The following NTM variants were observed in gnomAD, a reference collection of about 807,000 sequenced individuals.
NTM encodes the protein neurotrimin, also known as IgLON family member 2.
NTM carries 13 observed loss-of-function variants against 42.1 expected under a neutral mutation model. That is an observed-to-expected ratio of 0.31 (90% confidence interval 0.20 to 0.49). NTM has a LOEUF of 0.49. Among genes scored for constraint, NTM ranks in the 20% least tolerant of loss-of-function variants. NTM has a pLI of 0.99. For missense variants in NTM, 373 were observed against 452.8 expected (o/e 0.82, Z 1.60); for synonymous variants, 187 against 179.2 (o/e 1.04, Z -0.35).
At chr11:131,509,703 C>T (rs973317012) in intron 1 of NTM, among the ~76,000 whole-genome samples, 7 of 152,156 alleles carry the variant, frequency 4.6e-5, no homozygotes, top group Non-Finnish European at 1.0e-4. Context: ...ACAGTTTCAC[C>T]GCAGTGTCTT....
chr11:131,468,380 G>A (rs1028790892), intron 1 of NTM, among the ~76,000 whole-genome samples: 9 of 152,240 alleles, frequency 5.9e-5, no homozygotes, highest in African/African-American at 1.4e-4. Context: ...AATGCAGCAT[G>A]AGCCTCATGT....
chr11:131,477,415 A>C (rs1042221725), intron 1 of NTM, among the ~76,000 whole-genome samples: 4 of 151,564 alleles, frequency 2.6e-5, no homozygotes, highest in Non-Finnish European at 4.4e-5. Context: ...TGATGTTGCC[A>C]TTCTCGGTGG....
At chr11:131,711,321 T>C (rs932748071) in intron 1 of NTM, among the ~76,000 whole-genome samples, 1 of 152,152 alleles carries the variant, frequency 6.6e-6, no homozygotes, top group African/African-American at 2.4e-5. Context: ...GTGGGCGAAG[T>C]ACATGAACAG....
intron 1 of NTM, among the ~76,000 whole-genome samples, chr11:131,596,558 G>A (rs1057069757): frequency 4.6e-5 from 7 of 152,176 alleles, no homozygotes; most frequent in Non-Finnish European, 1.0e-4. Context: ...CCCCTCTCTA[G>A]CCTTCCTTTC....
chr11:131,992,303 A>T (rs944660905), intron 2 of NTM, among the ~76,000 whole-genome samples: 3 of 152,208 alleles, frequency 2.0e-5, no homozygotes, highest in Non-Finnish European at 2.9e-5. Context: ...ATAATGCAAT[A>T]CATATAACAT....
At chr11:131,689,303 C>G (rs377202816) in intron 1 of NTM, among the ~76,000 whole-genome samples, 2 of 152,302 alleles carry the variant, frequency 1.3e-5, no homozygotes, top group South Asian at 4.1e-4. Flanking sequence ...TGCCTCCCCA[C>G]CCAGTATTGC....
intron 1 of NTM, among the ~76,000 whole-genome samples, chr11:131,690,466 G>A (rs1465326407): frequency 6.6e-6 from 1 of 152,086 alleles, no homozygotes; most frequent in Non-Finnish European, 1.5e-5. Flanking sequence ...TGCTGCACGG[G>A]CTCAGCGCGA....
intron 2 of NTM, among the ~76,000 whole-genome samples, chr11:132,088,477 G>C (rs1252070765): frequency 6.6e-6 from 1 of 152,148 alleles, no homozygotes; most frequent in Non-Finnish European, 1.5e-5. Flanking sequence ...AAGGTGAGGA[G>C]GGCAGAATTT....
chr11:131,925,900 C>A (rs1427417925), intron 2 of NTM, among the ~76,000 whole-genome samples: 2 of 152,136 alleles, frequency 1.3e-5, no homozygotes, highest in Non-Finnish European at 2.9e-5. Flanking sequence ...TCTTGTCTTA[C>A]TTTTGTTGTT....
chr11:131,932,715 T>A (rs1256459625), intron 2 of NTM, among the ~76,000 whole-genome samples: 1 of 152,208 alleles, frequency 6.6e-6, no homozygotes, highest in East Asian at 1.9e-4. Context: ...CATCAGTATG[T>A]GCTGAAAAGG....
intron 2 of NTM, among the ~76,000 whole-genome samples, chr11:131,987,640 G>A (rs1046024269): frequency 3.3e-5 from 5 of 152,138 alleles, no homozygotes; most frequent in African/African-American, 9.7e-5. Flanking sequence ...GGTAGGCCTT[G>A]CAAAATGGAT....
At chr11:131,427,114 G>T (rs1302510598) in intron 1 of NTM, among the ~76,000 whole-genome samples, 1 of 151,998 alleles carries the variant, frequency 6.6e-6, no homozygotes, top group Non-Finnish European at 1.5e-5. Flanking sequence ...TGCAGTGAAA[G>T]GTAGCAGCAG....
chr11:132,087,446 G>A (rs1415720020), intron 2 of NTM, among the ~76,000 whole-genome samples: 1 of 152,162 alleles, frequency 6.6e-6, no homozygotes, highest in Admixed American at 6.5e-5. Flanking sequence ...CTCATATCCA[G>A]TTTTCTTTCC....
At chr11:132,085,050 A>G (rs550614339) in intron 2 of NTM, among the ~76,000 whole-genome samples, 3 of 152,332 alleles carry the variant, frequency 2.0e-5, no homozygotes, top group South Asian at 2.1e-4. Context: ...AGTTTAGTCA[A>G]TGTTCACACA....
At chr11:131,697,005 T>C (rs1449339718) in intron 1 of NTM, among the ~76,000 whole-genome samples, 4 of 152,032 alleles carry the variant, frequency 2.6e-5, no homozygotes, top group Non-Finnish European at 5.9e-5. Context: ...TAGCCCTGAG[T>C]ATATGGAGAA....
chr11:131,407,130 T>G (rs1945888564), intron 1 of NTM, among the ~76,000 whole-genome samples: 1 of 152,164 alleles, frequency 6.6e-6, no homozygotes, highest in African/African-American at 2.4e-5. Context: ...ACCAACTAAC[T>G]CCACTTACCA....
In NTM at chr11:131,972,629, C is replaced by G. The variant is rs2134717838; in HGVS notation, c.167+60981C>G. Reference sequence around the variant, plus strand: ...TTCCTGTATTTACATGCTTCTTTTTCTGTGTTTCTGCTTTGGCCTCCACAT... The same window carrying G: ...TTCCTGTATTTACATGCTTCTTTTTGTGTGTTTCTGCTTTGGCCTCCACAT... On this transcript the variant is annotated intron_variant, in intron 2 of 8. Transcript: ENST00000683400. Among the ~76,000 whole-genome samples, 4 of 152,156 alleles carry G rather than the reference C, an allele frequency of 2.6e-5. 1 individual carries two copies. The South Asian group carries it at 8.3e-4, about 32-fold the overall frequency.
At chr11:132,196,460 GA>G (rs2080228691) in intron 3 of NTM, among the ~76,000 whole-genome samples, 1 of 151,872 alleles carries the variant, frequency 6.6e-6, no homozygotes, top group Non-Finnish European at 1.5e-5. Context: ...ACAAGGAAAA[GA>G]AATTGTCCCA....
At chr11:131,673,360 C>T (rs1048866173) in intron 1 of NTM, among the ~76,000 whole-genome samples, 1 of 152,106 alleles carries the variant, frequency 6.6e-6, no homozygotes, top group Non-Finnish European at 1.5e-5. Context: ...GGCTGGTGGC[C>T]TTCTCTGAGC....
Sources: allele counts gnomAD v4.1 joint callset (sites outside exome capture counted in the v4.1 genomes callset), GRCh38; gene constraint gnomAD v4.1.1; transcripts MANE v1.5; gene names NCBI Gene and HGNC (gene_info 2026-07-23, HGNC 2026-07-21).